The following ERCC6 variants were observed in gnomAD, a reference collection of about 807,000 sequenced individuals.
The protein encoded by ERCC6 is DNA excision repair protein ERCC-6.
In ERCC6, 116 loss-of-function variants were observed where a neutral mutation model predicts 158.7. The observed-to-expected ratio is 0.73, with a 90% CI of 0.63 to 0.85. ERCC6 has a LOEUF of 0.85. Among genes scored for constraint, ERCC6 ranks in the 40% least tolerant of loss-of-function variants. The pLI is 0.00. For missense variants in ERCC6, 1,698 were observed against 1,799.4 expected, an observed-to-expected ratio of 0.94 and a Z score of 1.02; for synonymous variants, 678 against 659.3, an observed-to-expected ratio of 1.03 and a Z score of -0.43.
At chr10:49,464,634 A>G (rs1262178142) in intron 18 of ERCC6, among the ~76,000 whole-genome samples, 1 of 152,186 alleles carries the variant, frequency 6.6e-6, no homozygotes, top group African/African-American at 2.4e-5. Flanking sequence ...GGCCTGGCCC[A>G]TGGTCCCCAT....
In ERCC6 at chr10:49,520,785, A is replaced by G. The variant is rs898041361; in HGVS notation, c.1397+3248T>C. Among the ~76,000 whole-genome samples, 5 of 152,160 alleles carry G rather than the reference A, an allele frequency of 3.3e-5. No homozygotes were observed. In the East Asian group the frequency reaches 9.6e-4, roughly 29 times the overall value. ...AAGCCCACCTGCCCTCCCTGTCCTC[A>G]GCCTCTCTGCACATTGTGGCATCAC... On this transcript the variant is annotated intron_variant, in intron 5 of 20. Transcript: ENST00000355832.
chr10:49,530,914 TA>T, intron 2 of ERCC6, 74 bp from the exon 3 acceptor site: 1 of 1,577,334 alleles, frequency 6.3e-7, no homozygotes, highest in Non-Finnish European at 8.6e-7. Context: ...AGAAAAATGC[TA>T]AAAACATGTC....
chr10:49,476,243 ACTT>A lies in ERCC6; in HGVS notation c.2351_2353del (p.Glu784del), dbSNP rs55986153. ...CATCTCTCCATTGAGAATCCTGTAA[ACTT>A]CTTTGGAATCAACGAAATTTTGGTA... On this transcript the variant is annotated inframe_deletion, in exon 12 of 21. Transcript: ENST00000355832. 4 of 1,613,730 alleles carry A rather than the reference ACTT, an allele frequency of 2.5e-6. No homozygotes were observed. The South Asian group carries it at 4.4e-5, about 18-fold the overall frequency.
In ERCC6 at chr10:49,522,298, C is replaced by T. The variant is rs117215329; in HGVS notation, c.1397+1735G>A. On this transcript the variant is annotated intron_variant, in intron 5 of 20. Coordinates refer to ENST00000355832, the MANE Select transcript of ERCC6 (RefSeq NM_000124.4). ...TGGCAGTTCTAATATGCTTCTCAATCCTGAGCATTTTATTTTCTTTCATCC... is the reference window on the plus strand; with the variant it reads ...TGGCAGTTCTAATATGCTTCTCAATTCTGAGCATTTTATTTTCTTTCATCC... 9.3e-3 allele frequency among the ~76,000 whole-genome samples: 1,414 copies of T among 152,222 alleles called. 19 individuals carry two copies. Among genetic ancestry groups the T allele is most frequent in the Non-Finnish European group, 0.016 (1,115 of 68,012 alleles).
chr10:49,525,230 A>C (rs545195632), intron 4 of ERCC6: 2 of 187,366 alleles, frequency 1.1e-5, no homozygotes, highest in Admixed American at 1.1e-4. Context: ...CATGTACCTA[A>C]AAAGGAAAAA....
intron 8 of ERCC6, 61 bp from the exon 9 acceptor site, chr10:49,483,577 T>C: frequency 1.3e-6 from 2 of 1,498,762 alleles, no homozygotes; most frequent in Non-Finnish European, 9.3e-7. Flanking sequence ...CTTTCAATCA[T>C]GACACAATCT....
chr10:49,493,379 T>G lies in ERCC6; in HGVS notation c.1686-127A>C, dbSNP rs1170469944. On this transcript the variant is annotated intron_variant, in intron 7 of 20. Coordinates refer to ENST00000355832, the MANE Select transcript of ERCC6 (RefSeq NM_000124.4). ...AAAAAACAATGCTAACTATGGAAAT[T>G]TATTGATATTTTCTTTAAGAAAAAG... 2.7e-5 allele frequency: 31 copies of G among 1,169,662 alleles called. No homozygotes were observed. In the East Asian group the frequency reaches 7.1e-4, roughly 27 times the overall value. 72.5% of individuals were successfully genotyped at this position (1,169,662 alleles called of 1,614,324 possible).
intron 11 of ERCC6, among the ~76,000 whole-genome samples, chr10:49,476,628 C>T (rs4253187): frequency 0.011 from 1,659 of 152,136 alleles, 64 homozygotes; most frequent in Admixed American, 0.086. Flanking sequence ...TCAAACCATC[C>T]CACCTCCCAT....
intron 10 of ERCC6, among the ~76,000 whole-genome samples, chr10:49,480,495 A>G (rs904013153): frequency 3.3e-5 from 5 of 152,240 alleles, no homozygotes; most frequent in Non-Finnish European, 7.3e-5. Context: ...AAATACAACC[A>G]ATACTCTGCT....
rs186528006 is a variant in ERCC6 at position 49,495,607 on chromosome 10, C to T, written c.1686-2355G>A. ...CTGCCGATATCCCCAAAGCACCACA[C>T]GCCATCCTCCCCTACCTGGCTGTCC... On this transcript the variant is annotated intron_variant, in intron 7 of 20. Coordinates refer to ENST00000355832, the MANE Select transcript of ERCC6 (RefSeq NM_000124.4). Among the ~76,000 whole-genome samples, 52 of 152,270 alleles carry T rather than the reference C, an allele frequency of 3.4e-4. 1 individual carries two copies. In the East Asian group the frequency reaches 7.0e-3, roughly 20 times the overall value.
chr10:49,522,966 A>T (rs1837209181), intron 5 of ERCC6, among the ~76,000 whole-genome samples: 1 of 152,224 alleles, frequency 6.6e-6, no homozygotes, highest in Non-Finnish European at 1.5e-5. Flanking sequence ...TGTTTAAAAG[A>T]ATTGACACAT....
chr10:49,440,404 C>T, the ERCC6 span, among the ~76,000 whole-genome samples: 19 of 152,250 alleles, frequency 1.2e-4, 1 homozygote, highest in East Asian at 3.5e-3. Context: ...CCTCATGATT[C>T]AATTACCTCC....
chr10:49,514,339 A>G (rs891291356), intron 5 of ERCC6, among the ~76,000 whole-genome samples: 3 of 152,228 alleles, frequency 2.0e-5, no homozygotes, highest in African/African-American at 7.2e-5. Flanking sequence ...ATCATGTAAT[A>G]CACATTTTAT....
In ERCC6 at chr10:49,532,772, C is replaced by G; in HGVS notation, c.193G>C (p.Ala65Pro). ...STSAVGCASA[A>P]PRRGPALLHI... is the part of the protein sequence containing the mutation. ...AGCAGGGCTGGCCCTCTCCTCGGAG[C>G]TGCTGATGCGCACCCCACAGCAGAG... The change falls in exon 2 of 21, where the codon GCT becomes CCT. Residue 65 changes from alanine to proline, a missense_variant. Ala to Pro is a conservative substitution (Grantham distance 27). Transcript: ENST00000355832. 6.2e-7 allele frequency: 1 copy of G among 1,614,232 alleles called. No individual in the cohort carries two copies. Among genetic ancestry groups the G allele is most frequent in the Non-Finnish European group, 8.5e-7 (1 of 1,180,038 alleles).
intron 6 of ERCC6, chr10:49,502,084 T>C (rs982802593): frequency 2.2e-4 from 33 of 152,178 alleles, no homozygotes; most frequent in African/African-American, 8.0e-4. Flanking sequence ...ATACTTACTA[T>C]CTGGTACCTA....
At chr10:49,491,493 G>A (rs556661582) in intron 8 of ERCC6, among the ~76,000 whole-genome samples, 24 of 152,314 alleles carry the variant, frequency 1.6e-4, no homozygotes, top group Admixed American at 2.6e-4. Context: ...ATGTATGCAA[G>A]TGTCTGTGAA....
intron 5 of ERCC6, among the ~76,000 whole-genome samples, chr10:49,518,796 G>A (rs1291315360): frequency 6.6e-6 from 1 of 152,178 alleles, no homozygotes; most frequent in African/African-American, 2.4e-5. Flanking sequence ...GGACAATGAA[G>A]AGTATTATCT....
At chr10:49,476,655 T>TA (rs1316247119) in intron 11 of ERCC6, among the ~76,000 whole-genome samples, 1 of 152,104 alleles carries the variant, frequency 6.6e-6, no homozygotes, top group Non-Finnish European at 1.5e-5. Context: ...TGCCATGCTC[T>TA]ACTCGGCAGA....
chr10:49,535,537 G>A (rs1249433454), intron 1 of ERCC6, among the ~76,000 whole-genome samples: 1 of 152,198 alleles, frequency 6.6e-6, no homozygotes, highest in Non-Finnish European at 1.5e-5. Flanking sequence ...CCAGCTCAGA[G>A]TGTCTGTACT....
Sources: allele counts gnomAD v4.1 joint callset (sites outside exome capture counted in the v4.1 genomes callset), GRCh38; gene constraint gnomAD v4.1.1; transcripts MANE v1.5; gene names NCBI Gene and HGNC (gene_info 2026-07-23, HGNC 2026-07-21).